Variants in KIF3A observed in about 807,000 individuals in gnomAD.
KIF3A encodes the protein kinesin-like protein KIF3A.
KIF3A carries 27 observed loss-of-function variants against 92.6 expected under a neutral mutation model. That is an observed-to-expected ratio of 0.29 (90% CI 0.21 to 0.40). The LOEUF is 0.40. Ranked by LOEUF, KIF3A falls within the 10% of genes least tolerant of loss-of-function variation. The pLI, the probability that KIF3A is intolerant of heterozygous loss-of-function variation, is 1.00. For synonymous variants in KIF3A, 250 were observed against 275.4 expected (o/e 0.91, Z 0.92); for missense variants, 581 against 872.6 (o/e 0.67, Z 4.21).
intron 2 of KIF3A, among the ~76,000 whole-genome samples, chr5:132,727,855 G>A (rs1200003163): frequency 3.3e-5 from 5 of 152,082 alleles, no homozygotes; most frequent in Non-Finnish European, 5.9e-5. Flanking sequence ...ATATGAAAAC[G>A]GTTCCTCAAC....
chr5:132,702,561 T>C lies in KIF3A; in HGVS notation c.1755A>G (p.Ser585=). Residue 585 remains serine, a synonymous_variant, in exon 14 of 19, where the codon TCA becomes TCG. Coordinates refer to ENST00000403231, the MANE Select transcript of KIF3A (RefSeq NM_001300791.2). ...GGTAATTTCTAAGAGAACCAACCTC[T>C]GACTTTGCAGCCATCAGCATAGTCC... is the stretch of plus-strand genomic sequence containing the variant. The part of the protein sequence containing the change: ...KVWTMLMAAK[S]EMADLQQEHQ... 1.3e-6 allele frequency: 2 copies of C among 1,591,680 alleles called. No individual in the cohort carries two copies. The highest frequency in any genetic ancestry group is 2.3e-5 in the East Asian group (1 of 44,420).
At position 132,693,699 on chromosome 5, in the gene KIF3A, A is replaced by C. The variant is rs918521508; in HGVS notation, c.*2935T>G. 1.3e-5 allele frequency: 2 copies of C among 152,526 alleles called. No individual in the cohort carries two copies. The highest frequency in any genetic ancestry group is 4.8e-5 in the African/African-American group (2 of 41,410). 9.4% of individuals were successfully genotyped at this position (152,526 alleles called of 1,614,324 possible). Reference sequence around the variant, plus strand: ...CATATAGATATTCAGACCAGGCTTGAGGCCAGGCGTGGTGGCTCACACCTG... The same window carrying C: ...CATATAGATATTCAGACCAGGCTTGCGGCCAGGCGTGGTGGCTCACACCTG... On this transcript the variant is annotated 3_prime_UTR_variant, in exon 19 of 19. Transcript: ENST00000403231.
intron 5 of KIF3A, among the ~76,000 whole-genome samples, chr5:132,719,399 T>C (rs1441599840): frequency 1.3e-5 from 2 of 152,252 alleles, no homozygotes; most frequent in Non-Finnish European, 2.9e-5. Flanking sequence ...TTTTGAAGTT[T>C]TGTTGTTTGA....
chr5:132,731,767 A>G (rs1446469282), intron 2 of KIF3A, among the ~76,000 whole-genome samples: 1 of 151,818 alleles, frequency 6.6e-6, no homozygotes, highest in African/African-American at 2.4e-5. Context: ...CTGGAGTGCA[A>G]TGGCACGATC....
intron 14 of KIF3A, 134 bp downstream of exon 14, chr5:132,702,424 A>G (rs1753070922): frequency 3.0e-6 from 2 of 660,036 alleles, no homozygotes. Context: ...AAAATTAAAA[A>G]TTGCACATAA....
rs1445269011 is a variant in KIF3A, at chr5:132,694,955, T to C, written c.*1679A>G. ...TTATGGGTACATTTTTATCGCCACC[T>C]CAAGAGTACTCCACCTTCACTCACC... On this transcript the variant is annotated 3_prime_UTR_variant, in exon 19 of 19. Coordinates refer to ENST00000403231, the MANE Select transcript of KIF3A (RefSeq NM_001300791.2). 1 of 152,276 alleles carries C rather than the reference T, an allele frequency of 6.6e-6. No homozygotes were observed. Among genetic ancestry groups the C allele is most frequent in the African/African-American group, 2.4e-5 (1 of 41,430 alleles). The allele number at this position is 152,276 out of a possible 1,614,324, so 9.4% of individuals were successfully genotyped here. A position where few individuals can be genotyped will look rare whatever the true frequency, so the allele number is the denominator to read the frequency against.
intron 8 of KIF3A, 55 bp downstream of exon 8, chr5:132,715,702 G>A (rs1753596603): frequency 7.3e-7 from 1 of 1,367,534 alleles, no homozygotes; most frequent in Non-Finnish European, 1.0e-6. Flanking sequence ...ACAGTTAGTG[G>A]TTCAACAATG....
At chr5:132,712,105 T>A (rs142588705) in intron 8 of KIF3A, among the ~76,000 whole-genome samples, 101 of 152,306 alleles carry the variant, frequency 6.6e-4, no homozygotes, top group African/African-American at 2.3e-3. Context: ...AGAAGAAATT[T>A]CTGAAAAATA....
intron 1 of KIF3A, 64 bp from the exon 2 acceptor site, chr5:132,734,542 T>C: frequency 7.0e-7 from 1 of 1,436,864 alleles, no homozygotes; most frequent in African/African-American, 1.4e-5. Context: ...TCAGATTAAA[T>C]TTATAAACTT....
At chr5:132,697,102 T>C (rs550105058) in intron 18 of KIF3A, among the ~76,000 whole-genome samples, 7 of 152,270 alleles carry the variant, frequency 4.6e-5, no homozygotes, top group Non-Finnish European at 8.8e-5. Flanking sequence ...TAGGGACTTA[T>C]GGAAATGCTA....
At position 132,726,606 on chromosome 5, in the gene KIF3A, CAA is replaced by C. The variant is rs1466778454; in HGVS notation, c.281-110_281-109del. 5.1e-6 allele frequency: 5 copies of C among 972,576 alleles called. No homozygotes were observed. The African/African-American group carries it at 8.2e-5, about 16-fold the overall frequency. 60.2% of individuals were successfully genotyped at this position (972,576 alleles called of 1,614,324 possible). A position where few individuals can be genotyped will look rare whatever the true frequency, so the allele number is the denominator to read the frequency against. On this transcript the variant is annotated intron_variant, in intron 2 of 18. Transcript: ENST00000403231. ...TGTGATGTAATTTCTCCCCTGGATT[CAA>C]AATTTATTCTAGCACAAGTTTCACC...
intron 18 of KIF3A, chr5:132,697,782 A>G (rs573083941): frequency 6.5e-6 from 1 of 152,760 alleles, no homozygotes; most frequent in South Asian, 2.1e-4. Flanking sequence ...CAGAAGATCC[A>G]GAAACAATGA....
At chr5:132,720,001 T>C (rs918028003) in intron 5 of KIF3A, among the ~76,000 whole-genome samples, 1 of 152,180 alleles carries the variant, frequency 6.6e-6, no homozygotes, top group Non-Finnish European at 1.5e-5. Flanking sequence ...CCTAGGTTTT[T>C]TGGGTTTCTT....
chr5:132,720,489 A>G (rs552603364), intron 5 of KIF3A, 120 bp downstream of exon 5: 2 of 585,874 alleles, frequency 3.4e-6, no homozygotes, highest in East Asian at 5.7e-5. Flanking sequence ...TCAAAGTGGA[A>G]TGGTTTTCAA....
At chr5:132,718,286 G>A (rs1252658712) in intron 5 of KIF3A, among the ~76,000 whole-genome samples, 3 of 152,160 alleles carry the variant, frequency 2.0e-5, no homozygotes, top group Admixed American at 1.3e-4. Context: ...CCAGCTCTGT[G>A]TAGGCACATT....
intron 10 of KIF3A, among the ~76,000 whole-genome samples, chr5:132,708,359 G>C (rs1672725341): frequency 6.7e-6 from 1 of 149,912 alleles, no homozygotes. Flanking sequence ...ATGTCCATTT[G>C]AAATAAAACA....
intron 2 of KIF3A, among the ~76,000 whole-genome samples, chr5:132,733,194 C>G (rs1754290515): frequency 6.6e-6 from 1 of 152,126 alleles, no homozygotes; most frequent in Admixed American, 6.6e-5. Flanking sequence ...TGGAAACAGA[C>G]AGCGGTGACA....
chr5:132,699,465 T>C (rs554314124), intron 17 of KIF3A, 170 bp from the exon 18 acceptor site: 1 of 687,370 alleles, frequency 1.5e-6, no homozygotes, highest in Admixed American at 2.3e-5. Flanking sequence ...ATGTACTTAA[T>C]AAAGGTTGGT....
chr5:132,704,873 G>C (rs1753155543), intron 11 of KIF3A, among the ~76,000 whole-genome samples: 1 of 151,726 alleles, frequency 6.6e-6, no homozygotes, highest in Non-Finnish European at 1.5e-5. Context: ...ATTTTTTCAG[G>C]AACTATGAAA....
Sources: allele counts gnomAD v4.1 joint callset (sites outside exome capture counted in the v4.1 genomes callset), GRCh38; gene constraint gnomAD v4.1.1; transcripts MANE v1.5; gene names NCBI Gene and HGNC (gene_info 2026-07-23, HGNC 2026-07-21).